ST6GALNAC5: variants seen among roughly 807,000 people sequenced by gnomAD.
ST6GALNAC5 encodes the protein alpha-N-acetylgalactosaminide alpha-2,6-sialyltransferase 5.
ST6GALNAC5 carries 27 observed loss-of-function variants against 33.6 expected under a neutral mutation model. That is an observed-to-expected ratio of 0.80 (90% CI 0.59 to 1.11). The LOEUF (loss-of-function observed/expected upper bound fraction) is 1.11. ST6GALNAC5 is among the 50% of genes least tolerant of loss of function. ST6GALNAC5 has a pLI of 0.00. For synonymous variants in ST6GALNAC5, 194 were observed against 171.2 expected, an observed-to-expected ratio of 1.13 and a Z score of -1.04; for missense variants, 428 against 454.0, an observed-to-expected ratio of 0.94 and a Z score of 0.52.
intron 2 of ST6GALNAC5, among the ~76,000 whole-genome samples, chr1:76,897,930 T>A (rs2100260684): frequency 6.6e-6 from 1 of 152,214 alleles, no homozygotes; most frequent in East Asian, 1.9e-4. Flanking sequence ...AGCCTCCATA[T>A]TGATTAAGAA....
rs539851797 is a variant in ST6GALNAC5, at chr1:76,999,953, G to A, written c.262-44251G>A. On this transcript the variant is annotated intron_variant, in intron 2 of 4. Transcript: ENST00000477717. The stretch of plus-strand genomic sequence containing the variant: ...GTGAATAATGCCGCAATAAACATAC[G>A]TGTGCATGTGTCTTTATAGCAGCAT... Among the ~76,000 whole-genome samples, 702 of 114,170 alleles carry A rather than the reference G, an allele frequency of 6.1e-3. 14 individuals are homozygous for A. The highest frequency in any genetic ancestry group is 0.018 in the African/African-American group (675 of 37,250). The allele number at this position is 114,170 out of a possible 152,430, so 74.9% of individuals were successfully genotyped here.
intron 2 of ST6GALNAC5, among the ~76,000 whole-genome samples, chr1:76,883,234 A>G (rs959076218): frequency 1.3e-5 from 2 of 152,200 alleles, no homozygotes; most frequent in African/African-American, 2.4e-5. Context: ...TATTCTCTGT[A>G]TCTTACACAT....
chr1:76,941,469 C>A, intron 2 of ST6GALNAC5, among the ~76,000 whole-genome samples: 1 of 152,032 alleles, frequency 6.6e-6, no homozygotes. Context: ...GTGGCTCCCC[C>A]AAAAATATCC....
intron 2 of ST6GALNAC5, among the ~76,000 whole-genome samples, chr1:77,002,481 T>G (rs2100411943): frequency 6.6e-6 from 1 of 152,186 alleles, no homozygotes; most frequent in East Asian, 1.9e-4. Context: ...TTTTTGTGTC[T>G]CTATTTCCTT....
intron 2 of ST6GALNAC5, among the ~76,000 whole-genome samples, chr1:76,916,368 A>C (rs1446712921): frequency 1.3e-5 from 2 of 152,102 alleles, no homozygotes; most frequent in African/African-American, 4.8e-5. Context: ...TTTTCTCTTT[A>C]ATTCTCTTTA....
intron 4 of ST6GALNAC5, among the ~76,000 whole-genome samples, chr1:77,051,497 C>T (rs1294361599): frequency 6.6e-6 from 1 of 152,282 alleles, no homozygotes; most frequent in Admixed American, 6.5e-5. Flanking sequence ...GAAGAAGTCA[C>T]TTAGTGTCTC....
chr1:76,948,190 G>A (rs1647597707), intron 2 of ST6GALNAC5, among the ~76,000 whole-genome samples: 1 of 152,126 alleles, frequency 6.6e-6, no homozygotes, highest in Non-Finnish European at 1.5e-5. Flanking sequence ...GTTTAGAAGT[G>A]CCTTGTGAAA....
intron 2 of ST6GALNAC5, among the ~76,000 whole-genome samples, chr1:76,876,565 A>G (rs886608097): frequency 6.6e-6 from 1 of 152,084 alleles, no homozygotes; most frequent in Non-Finnish European, 1.5e-5. Flanking sequence ...TTTGTCACCA[A>G]TTTTCCAGTC....
At chr1:76,958,487 C>A (rs569400653) in intron 2 of ST6GALNAC5, among the ~76,000 whole-genome samples, 2 of 152,004 alleles carry the variant, frequency 1.3e-5, no homozygotes, top group Non-Finnish European at 2.9e-5. Context: ...AATTATCTTG[C>A]GTTTTCCTGT....
chr1:77,000,061 G>T (rs1650086931), intron 2 of ST6GALNAC5, among the ~76,000 whole-genome samples: 1 of 83,806 alleles, frequency 1.2e-5, no homozygotes, highest in South Asian at 5.0e-4. Flanking sequence ...CTGAGGAATC[G>T]CCACACTGAC....
intron 2 of ST6GALNAC5, among the ~76,000 whole-genome samples, chr1:76,993,723 G>A (rs1392221805): frequency 2.0e-5 from 3 of 152,214 alleles, no homozygotes; most frequent in African/African-American, 2.4e-5. Flanking sequence ...ACTACGTTAC[G>A]TTTAGCTTTC....
At chr1:76,898,307 G>T (rs1265707050) in intron 2 of ST6GALNAC5, among the ~76,000 whole-genome samples, 7 of 152,200 alleles carry the variant, frequency 4.6e-5, no homozygotes, top group East Asian at 3.9e-4. Context: ...GTTCTTGTGT[G>T]CTGGAGATGT....
intron 2 of ST6GALNAC5, among the ~76,000 whole-genome samples, chr1:76,972,749 G>A (rs917925570): frequency 6.6e-6 from 1 of 152,118 alleles, no homozygotes; most frequent in African/African-American, 2.4e-5. Context: ...AATGTCACTT[G>A]CCCTCCATAT....
chr1:77,060,283 T>G (rs1226877645), intron 4 of ST6GALNAC5: 1 of 152,140 alleles, frequency 6.6e-6, no homozygotes, highest in Admixed American at 6.5e-5. Flanking sequence ...GGAACTTGAG[T>G]ACCAGAATTC....
intron 2 of ST6GALNAC5, among the ~76,000 whole-genome samples, chr1:77,023,506 A>T (rs1651126837): frequency 6.6e-6 from 1 of 152,004 alleles, no homozygotes; most frequent in South Asian, 2.1e-4. Context: ...GAGCAACTGG[A>T]GGTTTGTGCT....
At chr1:76,960,152 A>T (rs1002610773) in intron 2 of ST6GALNAC5, among the ~76,000 whole-genome samples, 2 of 152,144 alleles carry the variant, frequency 1.3e-5, no homozygotes, top group Non-Finnish European at 2.9e-5. Flanking sequence ...CCGATATTTC[A>T]CGTAGTTTCT....
chr1:76,944,804 C>T (rs1647457395), intron 2 of ST6GALNAC5, among the ~76,000 whole-genome samples: 1 of 152,118 alleles, frequency 6.6e-6, no homozygotes, highest in Non-Finnish European at 1.5e-5. Context: ...TTCTTCCCTC[C>T]ACTAGTTTTT....
intron 2 of ST6GALNAC5, among the ~76,000 whole-genome samples, chr1:76,988,410 A>T (rs1448743707): frequency 6.6e-6 from 1 of 152,014 alleles, no homozygotes; most frequent in Admixed American, 6.6e-5. Flanking sequence ...TTATTAGAGC[A>T]TTTATATTTT....
chr1:77,053,763 T>TA (rs1361429873), intron 4 of ST6GALNAC5, among the ~76,000 whole-genome samples: 6 of 152,146 alleles, frequency 3.9e-5, no homozygotes, highest in African/African-American at 9.7e-5. Context: ...CACAGAAAGT[T>TA]ATGGGGTGAA....
Sources: allele counts gnomAD v4.1 joint callset (sites outside exome capture counted in the v4.1 genomes callset), GRCh38; gene constraint gnomAD v4.1.1; transcripts MANE v1.5; gene names NCBI Gene and HGNC (gene_info 2026-07-23, HGNC 2026-07-21).